Variants in DENND1A observed in about 807,000 individuals in gnomAD.
DENND1A encodes the protein DENN domain-containing protein 1A.
Under a neutral mutation model 113.7 loss-of-function variants are expected in DENND1A, and 51 were observed. The observed-to-expected ratio is 0.45, with a 90% CI of 0.36 to 0.57. DENND1A has a LOEUF of 0.57. Among genes scored for constraint, DENND1A ranks in the 20% least tolerant of loss-of-function variants. The pLI, the probability that DENND1A is intolerant of heterozygous loss-of-function variation, is 0.00. For missense variants in DENND1A, 1,258 were observed against 1,395.9 expected, an observed-to-expected ratio of 0.90 and a Z score of 1.57; for synonymous variants, 565 against 570.8, an observed-to-expected ratio of 0.99 and a Z score of 0.14.
At chr9:123,704,638 A>C (rs1447519432) in intron 5 of DENND1A, among the ~76,000 whole-genome samples, 1 of 152,186 alleles carries the variant, frequency 6.6e-6, no homozygotes, top group Non-Finnish European at 1.5e-5. Flanking sequence ...AATTCCTACA[A>C]ATAAAGCTTT....
rs1426958678 is a variant in DENND1A at position 123,816,880 on chromosome 9, C to A, written c.89-24250G>T. ...GGCACTGTAAATGCAGACAGTAGTA[C>A]CTGTCAGTCCCAGGGCGAACTCCAT... On this transcript the variant is annotated intron_variant, in intron 2 of 23. Coordinates refer to ENST00000394215, the MANE Select transcript of DENND1A (RefSeq NM_001352964.2). Among the ~76,000 whole-genome samples the A allele has an allele frequency of 2.0e-5, 3 of 152,142 alleles. No individual in the cohort carries two copies. In the East Asian group the frequency reaches 5.8e-4, roughly 29 times the overall value.
intron 11 of DENND1A, among the ~76,000 whole-genome samples, chr9:123,598,607 T>C (rs1260060620): frequency 6.6e-6 from 1 of 152,198 alleles, no homozygotes; most frequent in Non-Finnish European, 1.5e-5. Context: ...TGAAATTTCA[T>C]TTAAAAAACC....
chr9:123,546,146 T>C (rs1352935723), intron 13 of DENND1A, among the ~76,000 whole-genome samples: 1 of 152,184 alleles, frequency 6.6e-6, no homozygotes, highest in African/African-American at 2.4e-5. Flanking sequence ...TTAGCCACCA[T>C]GCAGCTGCTG....
chr9:123,718,205 T>G (rs2067107170), intron 5 of DENND1A, among the ~76,000 whole-genome samples: 2 of 152,222 alleles, frequency 1.3e-5, no homozygotes, highest in South Asian at 4.1e-4. Context: ...GTCAAGGGAA[T>G]GGGATTTCCC....
chr9:123,434,860 C>T (rs1389397674), intron 19 of DENND1A, among the ~76,000 whole-genome samples: 1 of 152,148 alleles, frequency 6.6e-6, no homozygotes, highest in Non-Finnish European at 1.5e-5. Flanking sequence ...ACAGTGGACC[C>T]GGCAAGGCCA....
chr9:123,505,764 T>G (rs887553595), intron 13 of DENND1A, among the ~76,000 whole-genome samples: 2 of 152,210 alleles, frequency 1.3e-5, no homozygotes, highest in African/African-American at 4.8e-5. Flanking sequence ...ATTTTTCATA[T>G]GTTAAATGCT....
chr9:123,755,448 T>C (rs1379294710), intron 5 of DENND1A, among the ~76,000 whole-genome samples: 1 of 151,894 alleles, frequency 6.6e-6, no homozygotes, highest in Admixed American at 6.6e-5. Context: ...CTGGCCAATA[T>C]GTGGATTTTT....
intron 4 of DENND1A, among the ~76,000 whole-genome samples, chr9:123,767,977 TGGA>T (rs1829101829): frequency 6.6e-6 from 1 of 152,212 alleles, no homozygotes; most frequent in Non-Finnish European, 1.5e-5. Context: ...TATAAGTGGC[TGGA>T]GGAGATTTCA....
At chr9:123,646,159 C>T (rs960748025) in intron 9 of DENND1A, among the ~76,000 whole-genome samples, 1 of 152,172 alleles carries the variant, frequency 6.6e-6, no homozygotes, top group Non-Finnish European at 1.5e-5. Context: ...GCAAAAGCTA[C>T]GTACCAGGCT....
At chr9:123,435,790 C>T (rs2046471888) in intron 19 of DENND1A, among the ~76,000 whole-genome samples, 1 of 152,212 alleles carries the variant, frequency 6.6e-6, no homozygotes, top group Admixed American at 6.5e-5. Flanking sequence ...CCAAGAGAAG[C>T]AGAGGTGCTG....
At position 123,831,496 on chromosome 9, in the gene DENND1A, C is replaced by A. The variant is rs180955249; in HGVS notation, c.89-38866G>T. Among the ~76,000 whole-genome samples the A allele has an allele frequency of 3.1e-3, 478 of 152,134 alleles. 5 individuals are homozygous for A. Among genetic ancestry groups the A allele is most frequent in the Non-Finnish European group, 2.8e-3 (187 of 67,986 alleles). On this transcript the variant is annotated intron_variant, in intron 2 of 23. Transcript: ENST00000394215. ...AAGACCAATAATAACCAAGAAAAAA[C>A]TTTTAACAATAACAAAATGGGAAGA... is the stretch of plus-strand genomic sequence containing the variant.
chr9:123,737,779 A>G (rs2068682931), intron 5 of DENND1A, among the ~76,000 whole-genome samples: 1 of 152,244 alleles, frequency 6.6e-6, no homozygotes, highest in African/African-American at 2.4e-5. Context: ...CTTTCAAAAT[A>G]TTTTGAAAAC....
chr9:123,711,363 G>A (rs566577770), intron 5 of DENND1A, among the ~76,000 whole-genome samples: 10 of 151,468 alleles, frequency 6.6e-5, no homozygotes, highest in Non-Finnish European at 1.2e-4. Context: ...TACTCAGAGA[G>A]GCTGAGGCAG....
chr9:123,397,345 G>A (rs1340135054), intron 21 of DENND1A, among the ~76,000 whole-genome samples: 1 of 152,172 alleles, frequency 6.6e-6, no homozygotes. Context: ...AGTAGAGACG[G>A]AGTTTTGCCA....
chr9:123,730,171 A>G (rs1018555473), intron 5 of DENND1A, among the ~76,000 whole-genome samples: 2 of 152,210 alleles, frequency 1.3e-5, no homozygotes, highest in Non-Finnish European at 2.9e-5. Context: ...TAAAGTCTAG[A>G]CAATACCATT....
At chr9:123,480,733 G>A (rs1486106546) in intron 13 of DENND1A, among the ~76,000 whole-genome samples, 1 of 152,144 alleles carries the variant, frequency 6.6e-6, no homozygotes, top group Admixed American at 6.5e-5. Flanking sequence ...CTACAGATAG[G>A]GAGGGAACTG....
At chr9:123,513,414 C>A (rs1273059331) in intron 13 of DENND1A, among the ~76,000 whole-genome samples, 1 of 152,220 alleles carries the variant, frequency 6.6e-6, no homozygotes, top group Non-Finnish European at 1.5e-5. Flanking sequence ...TCCCAGAGGA[C>A]AGGTGAGATC....
intron 8 of DENND1A, among the ~76,000 whole-genome samples, chr9:123,659,794 CCA>C (rs1564901510): frequency 6.6e-6 from 1 of 152,128 alleles, no homozygotes; most frequent in Non-Finnish European, 1.5e-5. Context: ...ATTAACAACC[CCA>C]CAGTTACTGC....
intron 9 of DENND1A, among the ~76,000 whole-genome samples, chr9:123,649,385 C>T (rs1029142524): frequency 6.6e-5 from 10 of 152,124 alleles, no homozygotes; most frequent in African/African-American, 1.9e-4. Context: ...ACACTGGCTG[C>T]TAATTTTTCT....
Sources: gnomAD v4.1 joint callset for allele counts (sites outside exome capture counted in the v4.1 genomes callset) on GRCh38, gnomAD v4.1.1 for gene constraint, MANE v1.5 for transcripts, NCBI Gene and HGNC (gene_info 2026-07-23, HGNC 2026-07-21) for gene names.